The following FYB1 variants were observed in gnomAD, a reference collection of about 807,000 sequenced individuals.
The protein encoded by FYB1 is FYN binding protein 1.
Under a neutral mutation model 94.1 loss-of-function variants are expected in FYB1, and 41 were observed. The observed-to-expected ratio is 0.44, with a 90% CI of 0.34 to 0.57. The LOEUF is 0.57. FYB1 is among the 20% of genes least tolerant of loss of function. The probability of loss-of-function intolerance (pLI) is 0.02; values close to 1 mark genes in which losing one functional copy is unlikely to be tolerated. For missense variants in FYB1, 1,050 were observed against 976.8 expected (o/e 1.07, Z -1.00); for synonymous variants, 367 against 353.2 (o/e 1.04, Z -0.44).
intron 1 of FYB1, among the ~76,000 whole-genome samples, chr5:39,206,750 A>G (rs1410393201): frequency 6.6e-6 from 1 of 152,220 alleles, no homozygotes; most frequent in Non-Finnish European, 1.5e-5. Context: ...TCTAGAGGCA[A>G]TCACTGTCAC....
chr5:39,134,786 A>C, intron 8 of FYB1, 69 bp downstream of exon 8: 1 of 1,537,486 alleles, frequency 6.5e-7, no homozygotes, highest in South Asian at 1.2e-5. Context: ...CGAGTTCTGG[A>C]GGAATATGTA....
At chr5:39,247,758 C>T (rs553676505) in intron 1 of FYB1, among the ~76,000 whole-genome samples, 2 of 151,680 alleles carry the variant, frequency 1.3e-5, no homozygotes, top group Admixed American at 6.6e-5. Context: ...ATTTCACTTA[C>T]AAAACATTTG....
At chr5:39,272,689 AAAAG>A (rs1752700483) in intron 1 of FYB1, among the ~76,000 whole-genome samples, 1 of 151,514 alleles carries the variant, frequency 6.6e-6, no homozygotes, top group Non-Finnish European at 1.5e-5. Flanking sequence ...AAAAAAAAAA[AAAAG>A]AATTACTTAA....
At position 39,228,589 on chromosome 5, in the gene FYB1, G is replaced by T. The variant is rs73749463; in HGVS notation, c.-27-25602C>A. ...GTGGAAGTAGAATCATAAGCCTCCA[G>T]TTTTCTTGACTACTATTGAATATTA... is the stretch of plus-strand genomic sequence containing the variant. On this transcript the variant is annotated intron_variant, in intron 1 of 1. Coordinates refer to the FYB1 transcript ENST00000510188. Among the ~76,000 whole-genome samples the T allele has an allele frequency of 3.5e-3, 535 of 152,198 alleles. 5 individuals are homozygous for T. The highest frequency in any genetic ancestry group is 0.012 in the African/African-American group (514 of 41,528).
intron 16 of FYB1, among the ~76,000 whole-genome samples, chr5:39,113,197 G>A (rs1370494813): frequency 6.6e-6 from 1 of 151,884 alleles, no homozygotes; most frequent in Non-Finnish European, 1.5e-5. Flanking sequence ...ATTTTTTGCG[G>A]TAGGAAAATC....
intron 3 of FYB1, among the ~76,000 whole-genome samples, chr5:39,149,453 C>G (rs1025849322): frequency 2.0e-5 from 3 of 152,128 alleles, no homozygotes; most frequent in Admixed American, 2.0e-4. Flanking sequence ...ACCATTTTTC[C>G]CTCTTGACTG....
chr5:39,185,361 G>T (rs960637565), intron 2 of FYB1, among the ~76,000 whole-genome samples: 3 of 151,584 alleles, frequency 2.0e-5, no homozygotes, highest in African/African-American at 7.3e-5. Context: ...TTATTTTTCT[G>T]ATATTGATGC....
At chr5:39,130,516 CACATGTGCTCCATAAAT>C in intron 10 of FYB1, 57 bp downstream of exon 10, 3 of 1,186,358 alleles carry the variant, frequency 2.5e-6, no homozygotes, top group Non-Finnish European at 2.5e-6. Context: ...AACAAAATAA[CACATGTGCTCCATAAAT>C]ACATGCCAAT....
intron 1 of FYB1, among the ~76,000 whole-genome samples, chr5:39,215,813 C>A (rs76433943): frequency 6.6e-6 from 1 of 152,080 alleles, no homozygotes; most frequent in Non-Finnish European, 1.5e-5. Flanking sequence ...CAAAAAGATA[C>A]GCCCATGTAT....
At chr5:39,211,604 C>G (rs184857391) in intron 1 of FYB1, among the ~76,000 whole-genome samples, 1 of 152,176 alleles carries the variant, frequency 6.6e-6, no homozygotes, top group African/African-American at 2.4e-5. Flanking sequence ...CCACTGCGCC[C>G]GGCCTATTTC....
chr5:39,224,606 C>G (rs964575547), intron 1 of FYB1, among the ~76,000 whole-genome samples: 1 of 152,112 alleles, frequency 6.6e-6, no homozygotes, highest in African/African-American at 2.4e-5. Context: ...CACTCAGTGC[C>G]CAAACACATT....
At position 39,183,027 on chromosome 5, in the gene FYB1, T is replaced by A. The variant is rs879330443; in HGVS notation, c.1135+18799A>T. On this transcript the variant is annotated intron_variant, in intron 2 of 18. Transcript: ENST00000512982. ...TCCTATAGGTGTCTTGTTTCCTTTT[T>A]TGGGGGGTAGAAGGGATGGAGTTTC... Among the ~76,000 whole-genome samples the A allele has an allele frequency of 3.9e-4, 60 of 152,210 alleles. 2 individuals carry two copies. The highest frequency in any genetic ancestry group is 9.8e-4 in the Admixed American group (15 of 15,286).
chr5:39,175,970 T>G (rs1024992913), intron 2 of FYB1, among the ~76,000 whole-genome samples: 3 of 152,034 alleles, frequency 2.0e-5, no homozygotes, highest in African/African-American at 7.2e-5. Context: ...TCACTCATTT[T>G]ATAGCTGAGA....
At chr5:39,267,878 G>A (rs1752498279) in intron 1 of FYB1, among the ~76,000 whole-genome samples, 1 of 152,052 alleles carries the variant, frequency 6.6e-6, no homozygotes, top group African/African-American at 2.4e-5. Context: ...ATCAGACAAA[G>A]TATATAAAAA....
chr5:39,147,359 T>C (rs2150345661), intron 3 of FYB1, among the ~76,000 whole-genome samples: 1 of 151,936 alleles, frequency 6.6e-6, no homozygotes, highest in Middle Eastern at 3.4e-3. Context: ...AGGCTGGACC[T>C]CTCAGGCTCG....
At chr5:39,144,282 G>T (rs1742446278) in intron 3 of FYB1, among the ~76,000 whole-genome samples, 1 of 151,920 alleles carries the variant, frequency 6.6e-6, no homozygotes. Flanking sequence ...CCCGATAAAA[G>T]AATACACCAA....
intron 1 of FYB1, among the ~76,000 whole-genome samples, chr5:39,242,911 T>C (rs1751278858): frequency 6.6e-6 from 1 of 152,228 alleles, no homozygotes; most frequent in Non-Finnish European, 1.5e-5. Flanking sequence ...CATTTTTTCA[T>C]GTGTCTGTTG....
chr5:39,158,757 T>A (rs1743984066), intron 2 of FYB1, among the ~76,000 whole-genome samples: 1 of 152,170 alleles, frequency 6.6e-6, no homozygotes. Flanking sequence ...CATGTGGAGA[T>A]CTGGTTCTCA....
intron 2 of FYB1, among the ~76,000 whole-genome samples, chr5:39,188,540 CTTTTTTTTTT>C (rs35086739): frequency 2.9e-5 from 2 of 69,620 alleles, no homozygotes; most frequent in Non-Finnish European, 5.2e-5. Context: ...AACTACAGCA[CTTTTTTTTTT>C]TTTTTTTTTT....
Sources: allele counts gnomAD v4.1 joint callset (sites outside exome capture counted in the v4.1 genomes callset), GRCh38; gene constraint gnomAD v4.1.1; transcripts MANE v1.5; gene names NCBI Gene and HGNC (gene_info 2026-07-23, HGNC 2026-07-21).